Variants in TSPAN1 observed in about 807,000 individuals in gnomAD.
TSPAN1 encodes tetraspanin 1, also known as tetraspanin-1.
Under a neutral mutation model 26.9 loss-of-function variants are expected in TSPAN1, and 23 were observed. The observed-to-expected ratio is 0.85, with a 90% CI of 0.62 to 1.21. The LOEUF (loss-of-function observed/expected upper bound fraction) is 1.21, where lower values mean the gene tolerates loss of function less well. TSPAN1 is among the 50% of genes most tolerant of loss of function. The pLI, the probability that TSPAN1 is intolerant of heterozygous loss-of-function variation, is 0.00. For missense variants in TSPAN1, 283 were observed against 298.4 expected, an observed-to-expected ratio of 0.95 and a Z score of 0.38; for synonymous variants, 115 against 114.8, an observed-to-expected ratio of 1.00 and a Z score of -0.01.
At chr1:46,176,348 A>G in intron 1 of TSPAN1, 6 of 1,535,716 alleles carry the variant, frequency 3.9e-6, no homozygotes, top group Non-Finnish European at 5.2e-6. Context: ...CCCTGTTGAT[A>G]TCTTCTGCGG....
chr1:46,190,563 G>T, downstream of TSPAN1: 4 of 1,551,464 alleles, frequency 2.6e-6, no homozygotes, highest in Non-Finnish European at 3.6e-6. Flanking sequence ...CAGGCCCTCA[G>T]GTCCCATGGG....
At chr1:46,193,010 A>T in the TSPAN1 span, 1 of 1,609,782 alleles carries the variant, frequency 6.2e-7, no homozygotes. Flanking sequence ...CCATCCTGTG[A>T]TCTCCTTTGC....
At chr1:46,193,211 T>G in the TSPAN1 span, 2 of 1,614,200 alleles carry the variant, frequency 1.2e-6, no homozygotes, top group Non-Finnish European at 1.7e-6. Flanking sequence ...GCTGGCCTTG[T>G]AGTGCTGGGA....
intron 3 of TSPAN1, 131 bp downstream of exon 3, chr1:46,181,295 G>A (rs1571636906): frequency 1.2e-6 from 1 of 862,962 alleles, no homozygotes; most frequent in East Asian, 2.7e-5. Flanking sequence ...TTATGAGTGG[G>A]ATGCAAAGGT....
chr1:46,195,798 C>G, the TSPAN1 span: 6 of 1,577,040 alleles, frequency 3.8e-6, no homozygotes, highest in South Asian at 6.9e-5. Flanking sequence ...AGGGTCAGGA[C>G]AGAATAACTG....
downstream of TSPAN1, among the ~76,000 whole-genome samples, chr1:46,187,585 T>TG (rs1221151232): frequency 6.6e-6 from 1 of 152,016 alleles, no homozygotes; most frequent in African/African-American, 2.4e-5. Context: ...CCTGCTAGGG[T>TG]GCGGGACAGG....
chr1:46,183,779 C>G (rs2148145410), intron 3 of TSPAN1: 2 of 274,292 alleles, frequency 7.3e-6, no homozygotes, highest in East Asian at 1.7e-4. Flanking sequence ...TGAGCCTGTT[C>G]TGCTACCACC....
intron 1 of TSPAN1, among the ~76,000 whole-genome samples, chr1:46,179,466 T>C (rs1657260115): frequency 2.0e-5 from 3 of 152,156 alleles, no homozygotes; most frequent in African/African-American, 7.2e-5. Context: ...AGAACTATTC[T>C]GTTACACAGA....
chr1:46,194,714 T>A, the TSPAN1 span: 1 of 1,614,106 alleles, frequency 6.2e-7, no homozygotes, highest in Non-Finnish European at 8.5e-7. Context: ...CTTTTTCCCA[T>A]CTCCCTGCCT....
At position 46,184,824 on chromosome 1, in the gene TSPAN1, A is replaced by G. The variant is rs1470827086; in HGVS notation, c.379A>G (p.Lys127Glu). 2.5e-6 allele frequency: 4 copies of G among 1,614,066 alleles called. No homozygotes were observed. The highest frequency in any genetic ancestry group is 3.4e-6 in the Non-Finnish European group (4 of 1,180,036). The change falls in exon 6 of 9, where the codon AAG (lysine) becomes GAG (glutamate). Residue 127 changes from lysine to glutamate, a missense_variant. Coordinates refer to ENST00000372003, the MANE Select transcript of TSPAN1 (RefSeq NM_005727.4). ...GACGTTGCTGGTAGTGCCTGCCATCAAGAAAGATTATGGTTCCCAGGAAGA... is the reference window on the plus strand; with the variant it reads ...GACGTTGCTGGTAGTGCCTGCCATCGAGAAAGATTATGGTTCCCAGGAAGA... The part of the protein sequence containing the change: ...FLTLLVVPAI[K>E]KDYGSQEDFT...
chr1:46,190,097 C>CTTTTTTTTTT, downstream of TSPAN1: 1 of 807,238 alleles, frequency 1.2e-6, no homozygotes, highest in African/African-American at 1.9e-5. Flanking sequence ...CCTTGAAGTT[C>CTTTTTTTTTT]TTTTTTTTTT....
At chr1:46,177,348 A>ATCT (rs1553161661) in intron 1 of TSPAN1, among the ~76,000 whole-genome samples, 9 of 100,034 alleles carry the variant, frequency 9.0e-5, no homozygotes, top group East Asian at 7.3e-4. Context: ...AAAAAAAAAA[A>ATCT]ATATATCTAT....
At chr1:46,193,373 C>T in the TSPAN1 span, 1 of 1,612,940 alleles carries the variant, frequency 6.2e-7, no homozygotes, top group Non-Finnish European at 8.5e-7. Context: ...AACAGTGCCA[C>T]CACATCCATG....
In TSPAN1 at chr1:46,184,218, G is replaced by C; in HGVS notation, c.85G>C (p.Gly29Arg). 6.2e-7 allele frequency: 1 copy of C among 1,614,162 alleles called. No homozygotes were observed. The highest frequency in any genetic ancestry group is 8.5e-7 in the Non-Finnish European group (1 of 1,180,034). The stretch of plus-strand genomic sequence containing the variant: ...GTGTGGTGCAGCCCTGTTGGCAGTG[G>C]GCATCTGGGTGTCAATCGATGGGGC... The part of the protein sequence containing the change: ...FLCGAALLAV[G>R]IWVSIDGASF... Residue 29 changes from glycine to arginine, a missense_variant, in exon 4 of 9, where the codon GGC becomes CGC. Physicochemically the swap from Gly to Arg is moderately radical, Grantham distance 125 (BLOSUM62 -2). Transcript: ENST00000372003.
the TSPAN1 span, chr1:46,192,688 C>T: frequency 6.2e-7 from 1 of 1,600,742 alleles, no homozygotes; most frequent in African/African-American, 1.3e-5. Flanking sequence ...AGGAGCACCT[C>T]CTTCCTGGAG....
Position 46,185,779 on chromosome 1 carries a change from G to T in TSPAN1, c.*246G>T, listed in dbSNP as rs1035181556. On this transcript the variant is annotated 3_prime_UTR_variant, in exon 9 of 9. Transcript: ENST00000372003. ...CAGAGCCTCTAAGGTAGCCAGTTCT[G>T]TTGCCCATTCCCCCAGTCTATTAAA... 3.4e-6 allele frequency: 2 copies of T among 583,582 alleles called. No homozygotes were observed. Among genetic ancestry groups the T allele is most frequent in the Non-Finnish European group, 6.1e-6 (2 of 327,528 alleles). The allele number at this position is 583,582 out of a possible 1,614,324, so 36.2% of individuals were successfully genotyped here.
chr1:46,186,010 G>C (rs1024064597), downstream of TSPAN1: 3 of 163,574 alleles, frequency 1.8e-5, no homozygotes. Flanking sequence ...AACTGGCCAC[G>C]GATTCCTGTG....
intron 1 of TSPAN1, among the ~76,000 whole-genome samples, chr1:46,177,642 A>G (rs1425017658): frequency 6.6e-6 from 1 of 152,334 alleles, no homozygotes; most frequent in East Asian, 1.9e-4. Flanking sequence ...TGTTTACTCT[A>G]TGAAAACTGA....
At position 46,185,113 on chromosome 1, in the gene TSPAN1, G is replaced by A. The variant is rs1657399274; in HGVS notation, c.592G>A (p.Glu198Lys). ...TKQKAHDQKV[E>K]GCFNQLLYDI... ...GCAAAAGGCTCACGACCAAAAAGTA[G>A]AGGTGTGGGCTGGCATGAGTGGGTG... The change falls in exon 7 of 9, where the codon GAG becomes AAG. Residue 198 changes from glutamate (E) to lysine (K), a missense_variant and splice_region_variant. Physicochemically the swap from Glu to Lys is moderately conservative, Grantham distance 56. Coordinates refer to ENST00000372003, the MANE Select transcript of TSPAN1 (RefSeq NM_005727.4). The A allele has an allele frequency of 1.2e-6, 2 of 1,614,218 alleles. No individual in the cohort carries two copies. The highest frequency in any genetic ancestry group is 1.7e-6 in the Non-Finnish European group (2 of 1,180,042).
Sources: gnomAD v4.1 joint callset for allele counts (sites outside exome capture counted in the v4.1 genomes callset) on GRCh38, gnomAD v4.1.1 for gene constraint, MANE v1.5 for transcripts, NCBI Gene and HGNC (gene_info 2026-07-23, HGNC 2026-07-21) for gene names.